The following BDH1 variants were observed in gnomAD, a reference collection of about 807,000 sequenced individuals.
BDH1 encodes 3-hydroxybutyrate dehydrogenase 1.
BDH1 carries 30 observed loss-of-function variants against 33.1 expected under a neutral mutation model. The observed-to-expected ratio is 0.91, with a 90% CI of 0.68 to 1.23. The LOEUF (loss-of-function observed/expected upper bound fraction) is 1.23. Ranked by LOEUF, BDH1 falls within the 50% of genes most tolerant of loss-of-function variation. BDH1 has a pLI of 0.00. For synonymous variants in BDH1, 190 were observed against 183.6 expected, an observed-to-expected ratio of 1.03 and a Z score of -0.28; for missense variants, 443 against 464.4, an observed-to-expected ratio of 0.95 and a Z score of 0.42.
chr3:197,570,349 T>C (rs1213527856), intron 1 of BDH1, among the ~76,000 whole-genome samples: 2 of 152,216 alleles, frequency 1.3e-5, no homozygotes, highest in Non-Finnish European at 2.9e-5. Context: ...GAGGAGAAAT[T>C]CAAGCTGGCT....
At chr3:197,534,286 A>C (rs1209031172) in intron 3 of BDH1, 3 of 152,152 alleles carry the variant, frequency 2.0e-5, no homozygotes, top group Admixed American at 1.3e-4. Flanking sequence ...CCATCTCTGT[A>C]ATTTTAGAAT....
intron 3 of BDH1, among the ~76,000 whole-genome samples, chr3:197,534,933 T>C (rs1167308409): frequency 6.6e-6 from 1 of 152,240 alleles, no homozygotes; most frequent in Non-Finnish European, 1.5e-5. Context: ...AACAGACTTA[T>C]ATTCCTTACA....
intron 3 of BDH1, chr3:197,538,236 T>C: frequency 6.6e-6 from 3 of 456,356 alleles, no homozygotes; most frequent in Middle Eastern, 3.3e-4. Context: ...AACCCAGTAA[T>C]GACAAATGAA....
chr3:197,570,493 C>T (rs1010575882), intron 1 of BDH1, among the ~76,000 whole-genome samples: 53 of 152,306 alleles, frequency 3.5e-4, no homozygotes, highest in African/African-American at 1.2e-3. Flanking sequence ...AAAATGTTTG[C>T]GTGGCCTGGG....
intron 3 of BDH1, among the ~76,000 whole-genome samples, chr3:197,539,312 G>A (rs1715408837): frequency 6.6e-6 from 1 of 152,118 alleles, no homozygotes; most frequent in Admixed American, 6.6e-5. Context: ...GCTAAGTTTT[G>A]TATTTTCAGT....
upstream of BDH1, among the ~76,000 whole-genome samples, chr3:197,557,039 C>G (rs952834472): frequency 4.6e-5 from 7 of 152,244 alleles, no homozygotes; most frequent in African/African-American, 1.7e-4. This position sits in a 1 kb window ranked among gnomAD's most constrained non-coding sequence, Gnocchi z 4.6. Context: ...CTGATTCCCC[C>G]TTTGGAGAGG....
In BDH1 at chr3:197,514,550, C is replaced by G. The variant is rs1437313652; in HGVS notation, c.410-134G>C. On this transcript the variant is annotated intron_variant, in intron 6 of 7. Transcript: ENST00000392379. The surrounding 1 kb of genome is among the most constrained non-coding windows in gnomAD (Gnocchi z 4.2). ...CCTCTCGCCCAGTGCTCTCAAGAAA[C>G]TTTCTAGAGTCACTCAGGAACGACA... The G allele has an allele frequency of 3.1e-5, 33 of 1,060,704 alleles. No individual in the cohort carries two copies. The highest frequency in any genetic ancestry group is 4.0e-5 in the Non-Finnish European group (30 of 746,638). 65.7% of individuals were successfully genotyped at this position (1,060,704 alleles called of 1,614,324 possible).
chr3:197,551,873 G>C (rs574268028), intron 2 of BDH1, among the ~76,000 whole-genome samples: 1 of 152,236 alleles, frequency 6.6e-6, no homozygotes, highest in South Asian at 2.1e-4. Flanking sequence ...CAGATCAAGT[G>C]GGCATTTTTT....
intron 3 of BDH1, among the ~76,000 whole-genome samples, chr3:197,545,293 T>G (rs1483056006): frequency 6.6e-6 from 1 of 152,236 alleles, no homozygotes; most frequent in Non-Finnish European, 1.5e-5. Flanking sequence ...CTTGTCTAAT[T>G]TGTACTTATA....
chr3:197,528,679 A>G lies in BDH1; in HGVS notation c.267+3733T>C, dbSNP rs1036771044. 8.5e-5 allele frequency: 13 copies of G among 152,222 alleles called. No individual in the cohort carries two copies. Among genetic ancestry groups the G allele is most frequent in the African/African-American group, 3.1e-4 (13 of 41,454 alleles). The allele number at this position is 152,222 out of a possible 1,614,324, so 9.4% of individuals were successfully genotyped here. On this transcript the variant is annotated intron_variant, in intron 5 of 7. Coordinates refer to ENST00000392379, the MANE Select transcript of BDH1 (RefSeq NM_203314.3). This position sits in a 1 kb window ranked among gnomAD's most constrained non-coding sequence, Gnocchi z 5.1. ...TAGATACCAACAGATATAACCTGCC[A>G]ATGAGCTTGTCTGGTACTTTCTTCA...
At chr3:197,551,416 T>C (rs1716557287) in intron 2 of BDH1, among the ~76,000 whole-genome samples, 1 of 152,254 alleles carries the variant, frequency 6.6e-6, no homozygotes, top group South Asian at 2.1e-4. Flanking sequence ...TCTTTTTTTC[T>C]GGCTGAATAC....
intron 5 of BDH1, among the ~76,000 whole-genome samples, chr3:197,524,402 G>A (rs993759838): frequency 6.6e-6 from 1 of 152,216 alleles, no homozygotes; most frequent in Non-Finnish European, 1.5e-5. Context: ...CGCTGGTTAG[G>A]CTGAGCCTTC....
intron 3 of BDH1, among the ~76,000 whole-genome samples, chr3:197,540,398 G>A (rs963051999): frequency 7.3e-5 from 11 of 150,230 alleles, no homozygotes; most frequent in Admixed American, 1.3e-4. Context: ...GGCCGGGAGC[G>A]GTGGCTCACA....
chr3:197,546,255 A>T (rs1716068770), intron 3 of BDH1, 106 bp downstream of exon 3: 2 of 1,079,692 alleles, frequency 1.9e-6, no homozygotes, highest in Non-Finnish European at 2.8e-6. Flanking sequence ...ATTGAGAGAC[A>T]TCTCTGAGAA....
intron 5 of BDH1, among the ~76,000 whole-genome samples, chr3:197,524,526 C>T (rs1453450184): frequency 6.6e-6 from 1 of 152,196 alleles, no homozygotes; most frequent in Non-Finnish European, 1.5e-5. Flanking sequence ...GCCGGAGGTG[C>T]TGGACGTAGT....
At chr3:197,550,411 A>T (rs994354500) in intron 2 of BDH1, among the ~76,000 whole-genome samples, 1 of 152,210 alleles carries the variant, frequency 6.6e-6, no homozygotes, top group African/African-American at 2.4e-5. Context: ...CTCTGCAGTG[A>T]CTACCTTTCG....
At position 197,531,273 on chromosome 3, in the gene BDH1, G is replaced by A. The variant is rs921926156; in HGVS notation, c.267+1139C>T. On this transcript the variant is annotated intron_variant, in intron 5 of 7. Coordinates refer to ENST00000392379, the MANE Select transcript of BDH1 (RefSeq NM_203314.3). ...TAGGTGGGCATGGTGGCTCATGCCT[G>A]TAGTCCCAGCTACTCGGGAGGCTGA... Among the ~76,000 whole-genome samples, 3 of 151,908 alleles carry A rather than the reference G, an allele frequency of 2.0e-5. No homozygotes were observed. The South Asian group carries it at 6.2e-4, about 32-fold the overall frequency.
chr3:197,523,534 A>G lies in BDH1; in HGVS notation c.268-753T>C, dbSNP rs998568849. Among the ~76,000 whole-genome samples, 1 of 152,238 alleles carries G rather than the reference A, an allele frequency of 6.6e-6. No homozygotes were observed. The highest frequency in any genetic ancestry group is 1.9e-4 in the East Asian group (1 of 5,202). ...CCTGTTAAAGAGTCTAAAGCACCAC[A>G]CAAATTCAGGTACTGCTAAACAGGA... On this transcript the variant is annotated intron_variant, in intron 5 of 7. Transcript: ENST00000392379. This position sits in a 1 kb window ranked among gnomAD's most constrained non-coding sequence, Gnocchi z 4.5.
chr3:197,569,696 T>C (rs540631916), intron 1 of BDH1, among the ~76,000 whole-genome samples: 25 of 152,242 alleles, frequency 1.6e-4, no homozygotes, highest in South Asian at 6.2e-4. Context: ...TCTGCCACCA[T>C]GTAAGACGTG....
Sources: gnomAD v4.1 joint callset for allele counts (sites outside exome capture counted in the v4.1 genomes callset) on GRCh38, gnomAD v4.1.1 for gene constraint, Gnocchi (gnomAD v3.1) non-coding constraint, MANE v1.5 for transcripts, NCBI Gene and HGNC (gene_info 2026-07-23, HGNC 2026-07-21) for gene names.